TNS3: variants seen among roughly 807,000 people sequenced by gnomAD.
The protein encoded by TNS3 is tensin-3.
Under a neutral mutation model 140.9 loss-of-function variants are expected in TNS3, and 45 were observed. The observed-to-expected ratio is 0.32, with a 90% CI of 0.25 to 0.41. The LOEUF (loss-of-function observed/expected upper bound fraction) is 0.41, where lower values mean the gene tolerates loss of function less well. Ranked by LOEUF, TNS3 falls within the 10% of genes least tolerant of loss-of-function variation. The pLI is 1.00. For synonymous variants in TNS3, 815 were observed against 788.4 expected (o/e 1.03, Z -0.56); for missense variants, 1,716 against 1,906.7 (o/e 0.90, Z 1.86).
intron 4 of TNS3, among the ~76,000 whole-genome samples, chr7:47,449,497 G>A (rs547694653): frequency 3.0e-4 from 45 of 152,296 alleles, no homozygotes; most frequent in African/African-American, 7.5e-4. Flanking sequence ...GTTAACTCCT[G>A]TGATTTCTCA....
chr7:47,294,594 C>T (rs866862472), intron 24 of TNS3, among the ~76,000 whole-genome samples: 1 of 152,204 alleles, frequency 6.6e-6, no homozygotes, highest in Non-Finnish European at 1.5e-5. Flanking sequence ...GGCATGTCTG[C>T]CTAAACTTCT....
At chr7:47,360,489 G>A (rs1172810781) in intron 17 of TNS3, among the ~76,000 whole-genome samples, 1 of 152,172 alleles carries the variant, frequency 6.6e-6, no homozygotes, top group Non-Finnish European at 1.5e-5. Context: ...TGGCTCCTTG[G>A]CTCCCAGACC....
chr7:47,534,585 C>G lies in TNS3; in HGVS notation c.-264-5438G>C, dbSNP rs552566579. 6.6e-5 allele frequency among the ~76,000 whole-genome samples: 10 copies of G among 152,286 alleles called. No homozygotes were observed. The South Asian group carries it at 1.2e-3, about 19-fold the overall frequency. On this transcript the variant is annotated intron_variant, in intron 1 of 30. Coordinates refer to ENST00000311160, the MANE Select transcript of TNS3 (RefSeq NM_022748.12). Reference sequence around the variant, plus strand: ...AACACTGGAATGTTGTCAAACCCCCCACCCCAGCTCCATCCCGTGATTCTA... The same window carrying G: ...AACACTGGAATGTTGTCAAACCCCCGACCCCAGCTCCATCCCGTGATTCTA...
intron 20 of TNS3, among the ~76,000 whole-genome samples, chr7:47,343,041 C>T (rs1308394286): frequency 1.3e-5 from 2 of 152,218 alleles, no homozygotes; most frequent in Non-Finnish European, 2.9e-5. Context: ...TATCATGTCA[C>T]CTTTTTATAT....
chr7:47,425,569 A>G (rs1353449399), intron 9 of TNS3, among the ~76,000 whole-genome samples: 4 of 152,188 alleles, frequency 2.6e-5, no homozygotes, highest in African/African-American at 7.2e-5. Context: ...CTGGTGGGGC[A>G]GTCACACACA....
intron 26 of TNS3, 92 bp downstream of exon 26, chr7:47,292,736 T>TG: frequency 8.5e-7 from 1 of 1,180,034 alleles, no homozygotes; most frequent in Non-Finnish European, 1.2e-6. Context: ...GTCTTATTAT[T>TG]TTTCTCAGTG....
intron 16 of TNS3, among the ~76,000 whole-genome samples, chr7:47,380,767 C>T (rs1233316506): frequency 2.2e-5 from 3 of 137,946 alleles, no homozygotes; most frequent in Non-Finnish European, 4.6e-5. Context: ...TATGCACGCG[C>T]GCGCACACAC....
intron 16 of TNS3, among the ~76,000 whole-genome samples, chr7:47,393,415 G>A (rs541036602): frequency 4.6e-5 from 7 of 152,302 alleles, no homozygotes; most frequent in African/African-American, 1.4e-4. Context: ...CTGTAACTCA[G>A]GAGCTGGAAT....
Position 47,388,868 on chromosome 7 carries a change from A to G in TNS3, c.1024+7932T>C, listed in dbSNP as rs181100818. On this transcript the variant is annotated intron_variant, in intron 16 of 30. Coordinates refer to ENST00000311160, the MANE Select transcript of TNS3 (RefSeq NM_022748.12). ...GGTCTCAGAGCGAGATTTCCTCTCA[A>G]AGAAAGAAAAAAAAGAAAAAGAAGA... 4.3e-4 allele frequency among the ~76,000 whole-genome samples: 65 copies of G among 149,464 alleles called. 2 individuals carry two copies. In the East Asian group the frequency reaches 9.8e-3, roughly 22 times the overall value.
At chr7:47,509,068 G>A (rs533609924) in intron 2 of TNS3, among the ~76,000 whole-genome samples, 1 of 152,264 alleles carries the variant, frequency 6.6e-6, no homozygotes, top group Admixed American at 6.5e-5. Flanking sequence ...CTATGTTAAG[G>A]TACTAACTTT....
intron 3 of TNS3, among the ~76,000 whole-genome samples, chr7:47,491,503 T>C (rs1017774555): frequency 4.6e-5 from 7 of 152,092 alleles, no homozygotes; most frequent in South Asian, 2.1e-4. Context: ...TGGGACTATA[T>C]CAAATATACA....
At position 47,394,875 on chromosome 7, in the gene TNS3, G is replaced by C. The variant is rs183112488; in HGVS notation, c.1024+1925C>G. ...TGGGAAGGATAAAGCCTGCCCCGCA[G>C]GCAGGTCACAGGCTTAGCTGGGAGC... On this transcript the variant is annotated intron_variant, in intron 16 of 30. Transcript: ENST00000311160. Among the ~76,000 whole-genome samples, 93 of 152,376 alleles carry C rather than the reference G, an allele frequency of 6.1e-4. 1 individual carries two copies. The Middle Eastern group carries it at 0.014, about 22-fold the overall frequency.
rs142621261 is a variant in TNS3 at position 47,449,075 on chromosome 7, C to G, written c.-75-7020G>C. 2.4e-3 allele frequency among the ~76,000 whole-genome samples: 362 copies of G among 152,332 alleles called. 2 individuals are homozygous for G. The South Asian group carries it at 0.025, about 11-fold the overall frequency. ...TTGCTCACTGCAGATTGTCCCTGAG[C>G]CTTGCACTGTATGTTGCCGATACAT... On this transcript the variant is annotated intron_variant, in intron 4 of 30. Coordinates refer to ENST00000311160, the MANE Select transcript of TNS3 (RefSeq NM_022748.12).
chr7:47,330,693 T>C (rs1368974561), intron 20 of TNS3, among the ~76,000 whole-genome samples: 2 of 151,844 alleles, frequency 1.3e-5, no homozygotes, highest in Non-Finnish European at 2.9e-5. Context: ...CAAGCAGACT[T>C]GGTTGCCAGA....
At chr7:47,491,144 G>A (rs749693725) in intron 3 of TNS3, among the ~76,000 whole-genome samples, 1 of 152,228 alleles carries the variant, frequency 6.6e-6, no homozygotes, top group Non-Finnish European at 1.5e-5. Context: ...GAGAGGCAGA[G>A]GGGCAGCCTC....
intron 1 of TNS3, chr7:47,579,391 A>AAACCCACCAGATC (rs1185006887): frequency 6.6e-6 from 1 of 151,906 alleles, no homozygotes; most frequent in East Asian, 1.9e-4. Flanking sequence ...TGCATGGGGC[A>AAACCCACCAGATC]AACCCACCAG....
chr7:47,463,903 T>C (rs1796593771), intron 4 of TNS3, among the ~76,000 whole-genome samples: 1 of 152,230 alleles, frequency 6.6e-6, no homozygotes, highest in Non-Finnish European at 1.5e-5. Flanking sequence ...TAATTTAATC[T>C]TCAAATTTGT....
In TNS3 at chr7:47,389,071, AGAAGAAGAAGAAGAG is replaced by A. The variant is rs1258492751; in HGVS notation, c.1024+7714_1024+7728del. Among the ~76,000 whole-genome samples the A allele has an allele frequency of 3.0e-4, 15 of 50,090 alleles. No homozygotes were observed. In the East Asian group the frequency reaches 3.4e-3, roughly 11 times the overall value. The allele number at this position is 50,090 out of a possible 152,430, so 32.9% of individuals were successfully genotyped here. A position where few individuals can be genotyped will look rare whatever the true frequency, so the allele number is the denominator to read the frequency against. ...AAGAAGAAGAAGAAGAAGAAGAAGA[AGAAGAAGAAGAAGAG>A]GAAGAGGAAGAGGAAGCGGAAGCAG... On this transcript the variant is annotated intron_variant, in intron 16 of 30. Transcript: ENST00000311160.
intron 20 of TNS3, among the ~76,000 whole-genome samples, chr7:47,322,413 T>A (rs1185316375): frequency 6.6e-6 from 1 of 151,874 alleles, no homozygotes; most frequent in Non-Finnish European, 1.5e-5. Flanking sequence ...TCCCAGCTAC[T>A]CAGGAGGATG....
Sources: gnomAD v4.1 joint callset for allele counts (sites outside exome capture counted in the v4.1 genomes callset) on GRCh38, gnomAD v4.1.1 for gene constraint, MANE v1.5 for transcripts, NCBI Gene and HGNC (gene_info 2026-07-23, HGNC 2026-07-21) for gene names.